RHOQ: variants seen among roughly 807,000 people sequenced by gnomAD.
RHOQ encodes ras homolog family member Q.
Under a neutral mutation model 25.8 loss-of-function variants are expected in RHOQ, and 7 were observed. That is an observed-to-expected ratio of 0.27 (90% CI 0.15 to 0.51). RHOQ has a LOEUF of 0.51. Among genes scored for constraint, RHOQ ranks in the 20% least tolerant of loss-of-function variants. The probability of loss-of-function intolerance (pLI) is 0.97; values close to 1 mark genes in which losing one functional copy is unlikely to be tolerated. For missense variants in RHOQ, 165 were observed against 260.6 expected, an observed-to-expected ratio of 0.63 and a Z score of 2.53; for synonymous variants, 97 against 98.6, an observed-to-expected ratio of 0.98 and a Z score of 0.10.
At chr2:46,557,886 T>C (rs1668452884) in intron 2 of RHOQ, among the ~76,000 whole-genome samples, 1 of 152,248 alleles carries the variant, frequency 6.6e-6, no homozygotes, top group Non-Finnish European at 1.5e-5. Context: ...TCCACCTTTC[T>C]GTAGGAGCTA....
Position 46,583,968 on chromosome 2 carries a change from C to G in RHOQ, c.*2885C>G, listed in dbSNP as rs192663350. On this transcript the variant is annotated 3_prime_UTR_variant, in exon 5 of 5. Coordinates refer to ENST00000238738, the MANE Select transcript of RHOQ (RefSeq NM_012249.4). Reference sequence around the variant, plus strand: ...TTTTATTTAATACTTTGCTAACTTACACTCTTGTTTTATCTCCACAGGTAC... The same window carrying G: ...TTTTATTTAATACTTTGCTAACTTAGACTCTTGTTTTATCTCCACAGGTAC... Among the ~76,000 whole-genome samples the G allele has an allele frequency of 6.6e-4, 101 of 152,240 alleles. No individual in the cohort carries two copies. The highest frequency in any genetic ancestry group is 2.2e-3 in the African/African-American group (91 of 41,564).
At position 46,583,830 on chromosome 2, in the gene RHOQ, C is replaced by T. The variant is rs1382151162; in HGVS notation, c.*2747C>T. The stretch of plus-strand genomic sequence containing the variant: ...TTTGCTAGTGAATACAAATACACTG[C>T]CTCAAATAAGGCCATGTATGAATGA... On this transcript the variant is annotated 3_prime_UTR_variant, in exon 5 of 5. Coordinates refer to ENST00000238738, the MANE Select transcript of RHOQ (RefSeq NM_012249.4). Among the ~76,000 whole-genome samples, 2 of 152,094 alleles carry T rather than the reference C, an allele frequency of 1.3e-5. No individual in the cohort carries two copies. Among genetic ancestry groups the T allele is most frequent in the South Asian group, 2.1e-4 (1 of 4,832 alleles).
chr2:46,542,924 G>A lies in RHOQ; in HGVS notation c.-123G>A. 1 of 412,208 alleles carries A rather than the reference G, an allele frequency of 2.4e-6. No homozygotes were observed. Among genetic ancestry groups the A allele is most frequent in the South Asian group, 9.4e-5 (1 of 10,650 alleles). The allele number at this position is 412,208 out of a possible 1,614,324, so 25.5% of individuals were successfully genotyped here. A position where few individuals can be genotyped will look rare whatever the true frequency, so the allele number is the denominator to read the frequency against. On this transcript the variant is annotated 5_prime_UTR_variant, in exon 1 of 5. Transcript: ENST00000238738. Reference sequence around the variant, plus strand: ...AGGGGAGCCGCTGCATGGGGCCGGGGGGGCGGCCCTGCGGCGCGGAGCGGC... The same window carrying A: ...AGGGGAGCCGCTGCATGGGGCCGGGAGGGCGGCCCTGCGGCGCGGAGCGGC...
chr2:46,576,101 T>C lies in RHOQ; in HGVS notation c.216T>C (p.Arg72=). Reference sequence around the variant, plus strand: ...TTGTTCCTCAGGAAGACTATGACCGTCTGAGGCCTTTATCTTACCCAATGA... The same window carrying C: ...TTGTTCCTCAGGAAGACTATGACCGCCTGAGGCCTTTATCTTACCCAATGA... The part of the protein sequence containing the change: ...YDTAGQEDYD[R]LRPLSYPMTD... Residue 72 remains arginine, a synonymous_variant, in exon 3 of 5, where the codon CGT becomes CGC. Transcript: ENST00000238738. The surrounding 1 kb of genome is among the most constrained non-coding windows in gnomAD (Gnocchi z 5.1). 1 of 1,607,542 alleles carries C rather than the reference T, an allele frequency of 6.2e-7. No individual in the cohort carries two copies. The highest frequency in any genetic ancestry group is 8.5e-7 in the Non-Finnish European group (1 of 1,177,864).
Position 46,581,766 on chromosome 2 carries a change from T to C in RHOQ, c.*683T>C. On this transcript the variant is annotated 3_prime_UTR_variant, in exon 5 of 5. Coordinates refer to ENST00000238738, the MANE Select transcript of RHOQ (RefSeq NM_012249.4). ...AACACTAAAAATGTACACATTTTAGTTAATGTGCATTAAACTGTAACAAGG... is the reference window on the plus strand; with the variant it reads ...AACACTAAAAATGTACACATTTTAGCTAATGTGCATTAAACTGTAACAAGG... The C allele has an allele frequency of 1.2e-6, 1 of 858,354 alleles. No individual in the cohort carries two copies. The highest frequency in any genetic ancestry group is 1.7e-6 in the Non-Finnish European group (1 of 599,746). The allele number at this position is 858,354 out of a possible 1,614,324, so 53.2% of individuals were successfully genotyped here. A position where few individuals can be genotyped will look rare whatever the true frequency, so the allele number is the denominator to read the frequency against.
chr2:46,560,391 G>T (rs927506897), intron 2 of RHOQ: 7 of 325,314 alleles, frequency 2.2e-5, no homozygotes, highest in Non-Finnish European at 3.7e-5. Flanking sequence ...CGTTCAGTTG[G>T]CTGGGACTTA....
intron 4 of RHOQ, 75 bp from the exon 5 acceptor site, chr2:46,580,853 A>T (rs1380059193): frequency 1.9e-6 from 2 of 1,040,450 alleles, no homozygotes; most frequent in Non-Finnish European, 2.6e-6. Context: ...AATTTTCTTT[A>T]TAATGATGTG....
intron 2 of RHOQ, among the ~76,000 whole-genome samples, chr2:46,545,685 A>G (rs1668021938): frequency 6.6e-6 from 1 of 152,166 alleles, no homozygotes; most frequent in African/African-American, 2.4e-5. Context: ...AGTTTGAAGT[A>G]GTTATACACA....
At chr2:46,563,378 G>A (rs946184265) in intron 2 of RHOQ, among the ~76,000 whole-genome samples, 4 of 152,212 alleles carry the variant, frequency 2.6e-5, no homozygotes, top group Non-Finnish European at 4.4e-5. Context: ...CTGGGTTGCT[G>A]TGAAGGCATG....
At position 46,555,843 on chromosome 2, in the gene RHOQ, G is replaced by A. The variant is rs756040438; in HGVS notation, c.201+12031G>A. On this transcript the variant is annotated intron_variant, in intron 2 of 4. Transcript: ENST00000238738. This position sits in a 1 kb window ranked among gnomAD's most constrained non-coding sequence, Gnocchi z 4.3. ...TCACTTGTGTCTTGACTGGGAGACC[G>A]GAATGCCTCCTGTTGTCTGAACAAG... 4.6e-5 allele frequency among the ~76,000 whole-genome samples: 7 copies of A among 152,188 alleles called. No individual in the cohort carries two copies. Among genetic ancestry groups the A allele is most frequent in the African/African-American group, 9.7e-5 (4 of 41,442 alleles).
intron 2 of RHOQ, among the ~76,000 whole-genome samples, chr2:46,561,848 C>G (rs1344576704): frequency 6.6e-6 from 1 of 152,114 alleles, no homozygotes; most frequent in Non-Finnish European, 1.5e-5. Context: ...GAAATAGGGT[C>G]AGAGATAGGG....
chr2:46,578,900 G>A (rs1491002134), intron 4 of RHOQ, among the ~76,000 whole-genome samples: 1 of 150,226 alleles, frequency 6.7e-6, no homozygotes, highest in East Asian at 2.0e-4. Flanking sequence ...TCACTCGTGT[G>A]TGTGTGTGTA....
At chr2:46,559,828 G>T (rs913424257) in intron 2 of RHOQ, among the ~76,000 whole-genome samples, 1 of 152,154 alleles carries the variant, frequency 6.6e-6, no homozygotes, top group Non-Finnish European at 1.5e-5. Flanking sequence ...AACCAGGAAA[G>T]AATCTTCTAC....
At position 46,553,664 on chromosome 2, in the gene RHOQ, C is replaced by T. The variant is rs555282980; in HGVS notation, c.201+9852C>T. Among the ~76,000 whole-genome samples the T allele has an allele frequency of 2.1e-4, 32 of 152,134 alleles. 1 individual carries two copies. Among genetic ancestry groups the T allele is most frequent in the African/African-American group, 7.7e-4 (32 of 41,494 alleles). On this transcript the variant is annotated intron_variant, in intron 2 of 4. Transcript: ENST00000238738. ...GGCACGGTCTTGGCTCACTCAACCT[C>T]CACCTCCTGGGTTCAAGCAATTCTC...
intron 2 of RHOQ, among the ~76,000 whole-genome samples, chr2:46,544,911 A>G (rs1667998144): frequency 6.6e-6 from 1 of 152,234 alleles, no homozygotes; most frequent in Non-Finnish European, 1.5e-5. Flanking sequence ...GGCACACACT[A>G]GGTGCTCAAT....
rs1174282487 is a variant in RHOQ, at chr2:46,556,119, T to C, written c.201+12307T>C. ...TAATCTGTCTTTCTGTTTCTATGGA[T>C]TTACCTATTCTGGACATTTCATATT... On this transcript the variant is annotated intron_variant, in intron 2 of 4. Coordinates refer to ENST00000238738, the MANE Select transcript of RHOQ (RefSeq NM_012249.4). The surrounding 1 kb of genome is among the most constrained non-coding windows in gnomAD (Gnocchi z 4.9). Among the ~76,000 whole-genome samples the C allele has an allele frequency of 6.6e-6, 1 of 152,130 alleles. No homozygotes were observed. Among genetic ancestry groups the C allele is most frequent in the Non-Finnish European group, 1.5e-5 (1 of 68,014 alleles).
chr2:46,572,107 GTTTTTTTTTTT>G (rs746265771), intron 2 of RHOQ, among the ~76,000 whole-genome samples: 3 of 66,254 alleles, frequency 4.5e-5, no homozygotes, highest in Admixed American at 1.7e-4. Flanking sequence ...GTAAGTGTGT[GTTTTTTTTTTT>G]TTTTTTTTTT....
At position 46,542,587 on chromosome 2, in the gene RHOQ, G is replaced by A. The variant is rs959082616; in HGVS notation, c.-460G>A. 6.8e-6 allele frequency: 1 copy of A among 146,870 alleles called. No individual in the cohort carries two copies. The highest frequency in any genetic ancestry group is 2.4e-5 in the African/African-American group (1 of 40,906). The allele number at this position is 146,870 out of a possible 1,614,324, so 9.1% of individuals were successfully genotyped here. A position where few individuals can be genotyped will look rare whatever the true frequency, so the allele number is the denominator to read the frequency against. On this transcript the variant is annotated 5_prime_UTR_variant, in exon 1 of 5. Coordinates refer to ENST00000238738, the MANE Select transcript of RHOQ (RefSeq NM_012249.4). ...GGCAGCAGGCGGGGGCGCGTGGCGC[G>A]GGCCGCGCTCGGGGAGGCGCCTGGG... is the stretch of plus-strand genomic sequence containing the variant.
chr2:46,582,339 T>G lies in RHOQ; in HGVS notation c.*1256T>G, dbSNP rs531120813. The G allele has an allele frequency of 1.3e-5, 2 of 152,226 alleles. No individual in the cohort carries two copies. The highest frequency in any genetic ancestry group is 4.2e-4 in the South Asian group (2 of 4,818). The allele number at this position is 152,226 out of a possible 1,614,324, so 9.4% of individuals were successfully genotyped here. The stretch of plus-strand genomic sequence containing the variant: ...TTTCATGTTCTTCTGTGAAGCTTAT[T>G]TGGTACACTGGAGCCATTTCTAATC... On this transcript the variant is annotated 3_prime_UTR_variant, in exon 5 of 5. Coordinates refer to ENST00000238738, the MANE Select transcript of RHOQ (RefSeq NM_012249.4).
Sources: allele counts gnomAD v4.1 joint callset (sites outside exome capture counted in the v4.1 genomes callset), GRCh38; gene constraint gnomAD v4.1.1; non-coding constraint Gnocchi (gnomAD v3.1); transcripts MANE v1.5; gene names NCBI Gene and HGNC (gene_info 2026-07-23, HGNC 2026-07-21).